KLHL32: variants seen among roughly 807,000 people sequenced by gnomAD.
KLHL32 encodes kelch-like protein 32.
In KLHL32, 35 loss-of-function variants were observed where a neutral mutation model predicts 64.8. The observed-to-expected ratio is 0.54, with a 90% CI of 0.41 to 0.72. The LOEUF (loss-of-function observed/expected upper bound fraction) is 0.72, where lower values mean the gene tolerates loss of function less well. KLHL32 is among the 30% of genes least tolerant of loss of function. The probability of loss-of-function intolerance (pLI) is 0.00; values close to 1 mark genes in which losing one functional copy is unlikely to be tolerated. For synonymous variants in KLHL32, 259 were observed against 281.0 expected, an observed-to-expected ratio of 0.92 and a Z score of 0.78; for missense variants, 589 against 768.5, an observed-to-expected ratio of 0.77 and a Z score of 2.76.
chr6:97,130,444 T>C (rs1230478566), intron 8 of KLHL32, among the ~76,000 whole-genome samples: 1 of 152,214 alleles, frequency 6.6e-6, no homozygotes, highest in Non-Finnish European at 1.5e-5. Context: ...GTAAATTCTC[T>C]GAATTGGGTG....
At chr6:96,991,561 G>C (rs970464697) in intron 3 of KLHL32, among the ~76,000 whole-genome samples, 1 of 151,730 alleles carries the variant, frequency 6.6e-6, no homozygotes, top group African/African-American at 2.4e-5. Flanking sequence ...AGGGCAGGGC[G>C]GTTGTGCTAG....
chr6:97,099,591 A>G (rs1795432581), intron 6 of KLHL32, among the ~76,000 whole-genome samples: 1 of 152,072 alleles, frequency 6.6e-6, no homozygotes, highest in African/African-American at 2.4e-5. Context: ...TTCTCTCATG[A>G]GTCTTCTGAG....
rs191902793 is a variant in KLHL32, at chr6:97,029,746, C to T, written c.205-11746C>T. 1.1e-3 allele frequency among the ~76,000 whole-genome samples: 166 copies of T among 152,290 alleles called. No homozygotes were observed. The Middle Eastern group carries it at 0.014, about 12-fold the overall frequency. Reference sequence around the variant, plus strand: ...GGACTATTGCAGTTAATTGAATGGTCTCATTAACTGAGATTTACTACCCAT... The same window carrying T: ...GGACTATTGCAGTTAATTGAATGGTTTCATTAACTGAGATTTACTACCCAT... On this transcript the variant is annotated intron_variant, in intron 3 of 10. Transcript: ENST00000369261.
At chr6:97,114,666 G>C in intron 7 of KLHL32, 157 bp downstream of exon 7, 1 of 785,460 alleles carries the variant, frequency 1.3e-6, no homozygotes, top group Non-Finnish European at 2.1e-6. Flanking sequence ...ACCTACTCTA[G>C]AGAGCAATGT....
intron 1 of KLHL32, among the ~76,000 whole-genome samples, chr6:96,964,672 A>C (rs1393344925): frequency 6.6e-6 from 1 of 152,204 alleles, no homozygotes; most frequent in East Asian, 1.9e-4. Context: ...ACAAAACAAA[A>C]ACAAAAACAA....
rs187494929 is a variant in KLHL32 at position 96,942,368 on chromosome 6, C to T, written c.-66+17342C>T. Among the ~76,000 whole-genome samples the T allele has an allele frequency of 9.9e-4, 151 of 152,342 alleles. 1 individual carries two copies. Among genetic ancestry groups the T allele is most frequent in the Non-Finnish European group, 1.9e-3 (127 of 68,036 alleles). On this transcript the variant is annotated intron_variant, in intron 1 of 10. Transcript: ENST00000369261. ...TCAGTCCAAAATCTGTGCATCAAGC[C>T]ATCTGTGCTCAATACCCATTTCCTC... is the stretch of plus-strand genomic sequence containing the variant.
the KLHL32 span, among the ~76,000 whole-genome samples, chr6:96,905,532 C>G: frequency 6.6e-6 from 1 of 152,196 alleles, no homozygotes; most frequent in African/African-American, 2.4e-5. Context: ...CACTTCCTGA[C>G]TGCATAATTT....
chr6:96,910,586 C>T, the KLHL32 span, among the ~76,000 whole-genome samples: 1 of 152,140 alleles, frequency 6.6e-6, no homozygotes, highest in Non-Finnish European at 1.5e-5. Flanking sequence ...ACTTAATTTG[C>T]AAACTGTAAA....
At chr6:97,017,823 C>T (rs1781436569) in intron 3 of KLHL32, among the ~76,000 whole-genome samples, 1 of 152,130 alleles carries the variant, frequency 6.6e-6, no homozygotes, top group Non-Finnish European at 1.5e-5. Flanking sequence ...GTTCCACAGT[C>T]TCTCTTTCTC....
chr6:97,047,249 A>G (rs1786075053), intron 4 of KLHL32, among the ~76,000 whole-genome samples: 1 of 152,178 alleles, frequency 6.6e-6, no homozygotes, highest in Admixed American at 6.5e-5. Context: ...ATAAGCATTC[A>G]CTCTGCCTTT....
chr6:97,008,007 C>T (rs1344692195), intron 3 of KLHL32, among the ~76,000 whole-genome samples: 1 of 152,076 alleles, frequency 6.6e-6, no homozygotes, highest in African/African-American at 2.4e-5. Context: ...TGTGAATTGC[C>T]TGGGATGTGG....
chr6:97,056,096 C>CTT (rs1193971196), intron 4 of KLHL32, among the ~76,000 whole-genome samples: 2,686 of 122,864 alleles, frequency 0.022, 75 homozygotes, highest in Admixed American at 0.059. Context: ...CTTTTTTTTT[C>CTT]TTTTTTTTTC....
At chr6:96,949,705 T>G (rs1485374111) in intron 1 of KLHL32, among the ~76,000 whole-genome samples, 2 of 152,150 alleles carry the variant, frequency 1.3e-5, no homozygotes, top group Non-Finnish European at 2.9e-5. Context: ...TTGCATTGTT[T>G]AAATATTCAT....
intron 5 of KLHL32, among the ~76,000 whole-genome samples, chr6:97,079,450 T>G (rs1199163583): frequency 2.0e-5 from 3 of 152,232 alleles, no homozygotes; most frequent in Non-Finnish European, 1.5e-5. Flanking sequence ...CACTTGAATA[T>G]AAACCAAAAT....
At chr6:96,990,413 A>G (rs1933459) in intron 3 of KLHL32, among the ~76,000 whole-genome samples, 38,179 of 152,114 alleles carry the variant, frequency 0.25, 5,150 homozygotes, top group African/African-American at 0.35. Context: ...GTGCTTAAGT[A>G]TAATGGTAAG....
At chr6:97,049,542 A>T (rs1233584010) in intron 4 of KLHL32, among the ~76,000 whole-genome samples, 1 of 134,174 alleles carries the variant, frequency 7.5e-6, no homozygotes, top group Non-Finnish European at 1.6e-5. Context: ...GCAGTTTACC[A>T]TGGGTAACTG....
At position 97,135,223 on chromosome 6, in the gene KLHL32, A is replaced by G. The variant is rs184331222; in HGVS notation, c.1701+2476A>G. ...TCCAGTAGCCATTCTGATGAACAGA[A>G]TCAATCCTTTGGCAAATACTGCGTT... On this transcript the variant is annotated intron_variant, in intron 10 of 10. Coordinates refer to ENST00000369261, the MANE Select transcript of KLHL32 (RefSeq NM_052904.4). 1.6e-3 allele frequency among the ~76,000 whole-genome samples: 238 copies of G among 152,224 alleles called. 2 individuals carry two copies. Among genetic ancestry groups the G allele is most frequent in the South Asian group, 3.9e-3 (19 of 4,818 alleles).
At chr6:97,056,716 T>C (rs1788003591) in intron 4 of KLHL32, among the ~76,000 whole-genome samples, 1 of 152,158 alleles carries the variant, frequency 6.6e-6, no homozygotes, top group African/African-American at 2.4e-5. Context: ...GAGCCAAAAA[T>C]AATTCAGTAA....
intron 5 of KLHL32, 47 bp from the exon 6 acceptor site, chr6:97,085,079 A>G (rs375641003): frequency 2.6e-6 from 4 of 1,541,716 alleles, no homozygotes; most frequent in Non-Finnish European, 3.6e-6. Context: ...TCTTTCTCGG[A>G]TTTATTTCTA....
Sources: allele counts gnomAD v4.1 joint callset (sites outside exome capture counted in the v4.1 genomes callset), GRCh38; gene constraint gnomAD v4.1.1; transcripts MANE v1.5; gene names NCBI Gene and HGNC (gene_info 2026-07-23, HGNC 2026-07-21).